Variants in MCTP1 observed in about 807,000 individuals in gnomAD.
MCTP1 encodes multiple C2 and transmembrane domain containing 1, also known as multiple C2 and transmembrane domain-containing protein 1.
MCTP1 carries 69 observed loss-of-function variants against 120.6 expected under a neutral mutation model. The ratio of observed to expected loss-of-function variants is 0.57; its 90% CI spans 0.47 to 0.70. The LOEUF (loss-of-function observed/expected upper bound fraction) is 0.70. MCTP1 is among the 30% of genes least tolerant of loss of function. The pLI, the probability that MCTP1 is intolerant of heterozygous loss-of-function variation, is 0.00. For missense variants in MCTP1, 1,203 were observed against 1,248.8 expected, an observed-to-expected ratio of 0.96 and a Z score of 0.55; for synonymous variants, 529 against 493.1, an observed-to-expected ratio of 1.07 and a Z score of -0.96.
chr5:94,870,336 A>T, intron 16 of MCTP1, 81 bp downstream of exon 16: 2 of 959,838 alleles, frequency 2.1e-6, no homozygotes, highest in East Asian at 2.5e-5. Context: ...CCATACCTTT[A>T]AAGTTTATTT....
chr5:95,052,754 T>C (rs1746347292), intron 1 of MCTP1, among the ~76,000 whole-genome samples: 1 of 152,138 alleles, frequency 6.6e-6, no homozygotes, highest in African/African-American at 2.4e-5. Flanking sequence ...GCTTAAGGGC[T>C]CCAGGTTAAA....
chr5:95,027,399 T>A (rs1057190847), intron 1 of MCTP1, among the ~76,000 whole-genome samples: 2 of 152,122 alleles, frequency 1.3e-5, no homozygotes, highest in African/African-American at 4.8e-5. Flanking sequence ...GCAGAGAGCA[T>A]TAGTAGGCAA....
intron 1 of MCTP1, among the ~76,000 whole-genome samples, chr5:95,055,095 AT>A (rs1252479692): frequency 2.0e-5 from 3 of 151,474 alleles, no homozygotes; most frequent in Non-Finnish European, 4.4e-5. Context: ...GAGCTATAAT[AT>A]TTCTTTCTTT....
intron 19 of MCTP1, among the ~76,000 whole-genome samples, chr5:94,719,337 A>AT (rs1220574325): frequency 6.6e-6 from 1 of 152,330 alleles, no homozygotes; most frequent in South Asian, 2.1e-4. Flanking sequence ...ATAAATTATT[A>AT]TATTATAAAG....
chr5:94,734,644 A>C (rs573254632), intron 19 of MCTP1, among the ~76,000 whole-genome samples: 1 of 152,158 alleles, frequency 6.6e-6, no homozygotes, highest in Non-Finnish European at 1.5e-5. Context: ...TTTTGGAGAG[A>C]TAGGATCTCA....
chr5:94,973,630 G>T (rs1436479981), intron 2 of MCTP1, among the ~76,000 whole-genome samples: 1 of 152,126 alleles, frequency 6.6e-6, no homozygotes, highest in African/African-American at 2.4e-5. Flanking sequence ...ATACATTACT[G>T]TTAATATATT....
chr5:95,141,448 A>G (rs1406544876), intron 1 of MCTP1, among the ~76,000 whole-genome samples: 1 of 152,224 alleles, frequency 6.6e-6, no homozygotes, highest in Non-Finnish European at 1.5e-5. Flanking sequence ...TTGTGAACAC[A>G]GCTGGGGTAT....
chr5:95,002,512 A>C (rs1833928921), intron 2 of MCTP1, among the ~76,000 whole-genome samples: 1 of 152,246 alleles, frequency 6.6e-6, no homozygotes, highest in African/African-American at 2.4e-5. Context: ...AGTGTGACTC[A>C]GATGTGAGAC....
intron 19 of MCTP1, among the ~76,000 whole-genome samples, chr5:94,768,564 A>G (rs75278642): frequency 0.016 from 2,379 of 152,288 alleles, 27 homozygotes; most frequent in Middle Eastern, 0.034. Flanking sequence ...TCCAATTAAA[A>G]AGTGGGCTAA....
At chr5:94,965,844 CT>C (rs1200716536) in intron 2 of MCTP1, among the ~76,000 whole-genome samples, 3 of 152,134 alleles carry the variant, frequency 2.0e-5, no homozygotes, top group African/African-American at 7.2e-5. Context: ...ATGTTTTCCC[CT>C]TCTGTCTCTT....
chr5:95,260,625 A>G (rs1215626666), intron 1 of MCTP1, among the ~76,000 whole-genome samples: 1 of 152,110 alleles, frequency 6.6e-6, no homozygotes, highest in East Asian at 1.9e-4. Flanking sequence ...GTATATATAT[A>G]TCTTTTCCCT....
At chr5:94,910,340 A>G (rs1389214694) in intron 9 of MCTP1, among the ~76,000 whole-genome samples, 1 of 152,056 alleles carries the variant, frequency 6.6e-6, no homozygotes, top group East Asian at 1.9e-4. Flanking sequence ...GTCATCCTGT[A>G]TGGTAGAATC....
intron 6 of MCTP1, among the ~76,000 whole-genome samples, chr5:94,925,447 C>T (rs562722591): frequency 4.1e-4 from 62 of 151,794 alleles, no homozygotes; most frequent in African/African-American, 1.3e-3. Context: ...CTTGCTCTGT[C>T]GCCCAGGCTG....
At chr5:94,724,352 C>T (rs1561531416) in intron 19 of MCTP1, among the ~76,000 whole-genome samples, 2 of 151,838 alleles carry the variant, frequency 1.3e-5, no homozygotes, top group Admixed American at 1.3e-4. Flanking sequence ...CTCAAGCAAT[C>T]CTCCCACTTC....
intron 2 of MCTP1, among the ~76,000 whole-genome samples, chr5:95,007,220 C>A (rs1289271965): frequency 6.6e-6 from 1 of 152,106 alleles, no homozygotes; most frequent in Admixed American, 6.6e-5. Context: ...TCAATTACCT[C>A]CCACTGGGTC....
chr5:95,247,090 G>T (rs1756877934), intron 1 of MCTP1, among the ~76,000 whole-genome samples: 1 of 152,160 alleles, frequency 6.6e-6, no homozygotes, highest in Non-Finnish European at 1.5e-5. Context: ...TCTATTAAGA[G>T]ATTCAACTTC....
intron 1 of MCTP1, among the ~76,000 whole-genome samples, chr5:95,142,164 G>A (rs984683404): frequency 6.6e-6 from 1 of 152,030 alleles, no homozygotes; most frequent in Non-Finnish European, 1.5e-5. Context: ...TCTCATGAAG[G>A]CTATATGTAA....
intron 1 of MCTP1, among the ~76,000 whole-genome samples, chr5:95,093,328 C>T (rs923760844): frequency 6.6e-6 from 1 of 152,166 alleles, no homozygotes; most frequent in South Asian, 2.1e-4. Context: ...GAACTTCCTG[C>T]ATTTCATGAC....
chr5:94,941,437 CA>C (rs1817688715), intron 4 of MCTP1, among the ~76,000 whole-genome samples: 2 of 152,120 alleles, frequency 1.3e-5, no homozygotes, highest in South Asian at 4.2e-4. Flanking sequence ...CCATTGTGCT[CA>C]AACTAAGTTG....
Sources: gnomAD v4.1 joint callset for allele counts (sites outside exome capture counted in the v4.1 genomes callset) on GRCh38, gnomAD v4.1.1 for gene constraint, MANE v1.5 for transcripts, NCBI Gene and HGNC (gene_info 2026-07-23, HGNC 2026-07-21) for gene names.